The following PACRG variants were observed in gnomAD, a reference collection of about 807,000 sequenced individuals.
The protein encoded by PACRG is parkin coregulated, also known as parkin coregulated gene protein.
Under a neutral mutation model 29.7 loss-of-function variants are expected in PACRG, and 29 were observed. The observed-to-expected ratio is 0.98, with a 90% CI of 0.73 to 1.33. PACRG has a LOEUF of 1.33. Among genes scored for constraint, PACRG ranks in the 40% most tolerant of loss-of-function variants. The probability of loss-of-function intolerance (pLI) is 0.00; values close to 1 mark genes in which losing one functional copy is unlikely to be tolerated. For synonymous variants in PACRG, 116 were observed against 118.7 expected, an observed-to-expected ratio of 0.98 and a Z score of 0.15; for missense variants, 279 against 316.2, an observed-to-expected ratio of 0.88 and a Z score of 0.89.
chr6:162,781,464 A>G (rs1784085635), intron 1 of PACRG, among the ~76,000 whole-genome samples: 1 of 151,908 alleles, frequency 6.6e-6, no homozygotes, highest in South Asian at 2.1e-4. Context: ...TGGAAACTAT[A>G]AGAGTAAACA....
intron 2 of PACRG, among the ~76,000 whole-genome samples, chr6:162,919,022 C>G (rs1309862563): frequency 1.3e-5 from 2 of 151,986 alleles, no homozygotes; most frequent in Non-Finnish European, 2.9e-5. Flanking sequence ...GTCAGCTTGA[C>G]CTAGAGGGGA....
At chr6:162,871,529 A>G (rs1024538889) in intron 2 of PACRG, among the ~76,000 whole-genome samples, 2 of 152,246 alleles carry the variant, frequency 1.3e-5, no homozygotes, top group African/African-American at 4.8e-5. Flanking sequence ...TAACATAAAA[A>G]TACATTAACC....
chr6:162,769,846 AG>A (rs1783081498), intron 1 of PACRG, among the ~76,000 whole-genome samples: 1 of 151,986 alleles, frequency 6.6e-6, no homozygotes, highest in Admixed American at 6.6e-5. Flanking sequence ...TATAATTTAT[AG>A]GTTAAGGAAG....
chr6:162,879,942 A>G lies in PACRG; in HGVS notation c.291+65661A>G, dbSNP rs549615795. Among the ~76,000 whole-genome samples, 7 of 152,354 alleles carry G rather than the reference A, an allele frequency of 4.6e-5. 1 individual carries two copies. Among genetic ancestry groups the G allele is most frequent in the African/African-American group, 1.7e-4 (7 of 41,588 alleles). ...TCTGTGAGAATGTGTGAGGGGATAT[A>G]TTTTTTAGGTACTTAGCAGAGCACC... On this transcript the variant is annotated intron_variant, in intron 2 of 4. Coordinates refer to ENST00000366888, the MANE Select transcript of PACRG (RefSeq NM_001080379.2).
At chr6:163,027,370 A>G (rs1297985636) in intron 2 of PACRG, among the ~76,000 whole-genome samples, 4 of 152,224 alleles carry the variant, frequency 2.6e-5, no homozygotes, top group Admixed American at 6.5e-5. Flanking sequence ...AAATTATGCT[A>G]TATTTAATGA....
chr6:163,224,368 CAAAAAAAAAAAAAA>C (rs531356479), intron 4 of PACRG, among the ~76,000 whole-genome samples: 1 of 47,280 alleles, frequency 2.1e-5, no homozygotes, highest in African/African-American at 6.3e-5. Context: ...GACTCCATCT[CAAAAAAAAAAAAAA>C]AAAAAAAAAA....
chr6:163,060,532 C>T (rs1811005905), intron 2 of PACRG, among the ~76,000 whole-genome samples: 2 of 152,098 alleles, frequency 1.3e-5, no homozygotes, highest in Admixed American at 6.5e-5. Context: ...AAACTGATGT[C>T]TGTATAAACC....
At chr6:162,747,140 C>A (rs1781051829) in intron 1 of PACRG, among the ~76,000 whole-genome samples, 1 of 151,172 alleles carries the variant, frequency 6.6e-6, no homozygotes, top group South Asian at 2.1e-4. Flanking sequence ...CCATCCTTAA[C>A]CTGAGTGGCA....
At chr6:163,088,735 C>T (rs976136202) in intron 3 of PACRG, among the ~76,000 whole-genome samples, 8 of 151,728 alleles carry the variant, frequency 5.3e-5, no homozygotes, top group Non-Finnish European at 1.0e-4. Flanking sequence ...AGGGCCTAAA[C>T]GTAGTCACTT....
At chr6:163,090,924 T>G (rs1814054082) in intron 4 of PACRG, among the ~76,000 whole-genome samples, 1 of 152,226 alleles carries the variant, frequency 6.6e-6, no homozygotes, top group Non-Finnish European at 1.5e-5. Context: ...CTATGATGCA[T>G]GTACTATTAC....
At chr6:162,769,670 G>A (rs554013534) in intron 1 of PACRG, among the ~76,000 whole-genome samples, 6 of 151,380 alleles carry the variant, frequency 4.0e-5, no homozygotes, top group Non-Finnish European at 8.8e-5. Context: ...TGTGAGCAGC[G>A]ATCTTTACCT....
At chr6:162,769,211 G>A (rs762531499) in intron 1 of PACRG, among the ~76,000 whole-genome samples, 1 of 152,012 alleles carries the variant, frequency 6.6e-6, no homozygotes, top group Non-Finnish European at 1.5e-5. Context: ...GTATATTAAA[G>A]TCCTCCAAGA....
chr6:162,959,941 G>A (rs1800471439), intron 2 of PACRG, among the ~76,000 whole-genome samples: 1 of 152,086 alleles, frequency 6.6e-6, no homozygotes, highest in Admixed American at 6.5e-5. Context: ...TAAAAAGCGG[G>A]CAAAGGACAT....
At chr6:163,136,847 C>T (rs879325737) in intron 4 of PACRG, among the ~76,000 whole-genome samples, 56 of 152,116 alleles carry the variant, frequency 3.7e-4, no homozygotes, top group Non-Finnish European at 7.2e-4. Flanking sequence ...ATAAAAATAT[C>T]TTGAATAGAT....
At chr6:162,892,096 G>A (rs1312432247) in intron 2 of PACRG, 2 of 152,272 alleles carry the variant, frequency 1.3e-5, no homozygotes, top group African/African-American at 2.4e-5. Flanking sequence ...GGCTGACACT[G>A]TTCCAGGCTA....
intron 3 of PACRG, among the ~76,000 whole-genome samples, chr6:163,087,744 C>T (rs1257610559): frequency 6.7e-6 from 1 of 149,132 alleles, no homozygotes; most frequent in African/African-American, 2.5e-5. Flanking sequence ...AGGATAGAGA[C>T]TGACACTGGA....
intron 2 of PACRG, among the ~76,000 whole-genome samples, chr6:162,881,006 C>G (rs916094563): frequency 6.6e-6 from 1 of 152,178 alleles, no homozygotes; most frequent in Non-Finnish European, 1.5e-5. Context: ...CAGATCGTCA[C>G]GATCTTCTGT....
intron 2 of PACRG, among the ~76,000 whole-genome samples, chr6:162,885,871 G>C (rs1213808958): frequency 1.3e-5 from 2 of 152,150 alleles, no homozygotes; most frequent in African/African-American, 4.8e-5. Context: ...CCCTGTCTTA[G>C]AGTGCATTTC....
intron 2 of PACRG, among the ~76,000 whole-genome samples, chr6:162,893,729 A>C (rs1794960356): frequency 6.6e-6 from 1 of 152,198 alleles, no homozygotes; most frequent in Non-Finnish European, 1.5e-5. Flanking sequence ...TGCAGATCGA[A>C]AACAGAGCCG....
Sources: allele counts gnomAD v4.1 joint callset (sites outside exome capture counted in the v4.1 genomes callset), GRCh38; gene constraint gnomAD v4.1.1; transcripts MANE v1.5; gene names NCBI Gene and HGNC (gene_info 2026-07-23, HGNC 2026-07-21).